The following ADCY5 variants were observed in gnomAD, a reference collection of about 807,000 sequenced individuals.
ADCY5 encodes adenylate cyclase type 5.
A neutral mutation model predicts 119.7 loss-of-function variants in ADCY5; 30 were observed. That is an observed-to-expected ratio of 0.25 (90% CI 0.19 to 0.34). The LOEUF (loss-of-function observed/expected upper bound fraction) is 0.34. Ranked by LOEUF, ADCY5 falls within the 10% of genes least tolerant of loss-of-function variation. The probability of loss-of-function intolerance (pLI) is 1.00; values close to 1 mark genes in which losing one functional copy is unlikely to be tolerated. For missense variants in ADCY5, 1,324 were observed against 1,775.2 expected (o/e 0.75, Z 4.57); for synonymous variants, 753 against 762.2 (o/e 0.99, Z 0.20).
At chr3:123,303,897 A>AGAAGAGAAGAGAAGAGAAGAG in intron 13 of ADCY5, among the ~76,000 whole-genome samples, 170 bp downstream of exon 13, 1 of 147,354 alleles carries the variant, frequency 6.8e-6, no homozygotes, top group East Asian at 2.0e-4. Flanking sequence ...AGAAGAGAAG[A>AGAAGAGAAGAGAAGAGAAGAG]AAGAACTTGT....
In ADCY5 at chr3:123,448,732, C is replaced by G. The variant is rs62262433; in HGVS notation, c.-187G>C. 0.54 allele frequency: 242,600 copies of G among 445,872 alleles called. 69,680 individuals are homozygous for G. Among genetic ancestry groups the G allele is most frequent in the Non-Finnish European group, 0.62 (166,793 of 270,504 alleles). The allele number at this position is 445,872 out of a possible 1,614,324, so 27.6% of individuals were successfully genotyped here. A position where few individuals can be genotyped will look rare whatever the true frequency, so the allele number is the denominator to read the frequency against. On this transcript the variant is annotated 5_prime_UTR_variant, in exon 1 of 21. Transcript: ENST00000462833. Reference sequence around the variant, plus strand: ...TGAGCGGAGGAGGAGGGCACAGCCCCGAGGTGAGAAGTAGCTGAGGATCCG... The same window carrying G: ...TGAGCGGAGGAGGAGGGCACAGCCCGGAGGTGAGAAGTAGCTGAGGATCCG...
chr3:123,355,778 G>A (rs746690921), intron 1 of ADCY5, among the ~76,000 whole-genome samples: 3 of 151,974 alleles, frequency 2.0e-5, no homozygotes, highest in African/African-American at 2.4e-5. Flanking sequence ...AAAACACCAC[G>A]TTCTGATGTC....
rs1199524320 is a variant in ADCY5 at position 123,447,714 on chromosome 3, C to T, written c.832G>A (p.Val278Ile). The change falls in exon 1 of 21, where the codon GTC becomes ATC. Residue 278 changes from valine to isoleucine, a missense_variant. Val to Ile is a conservative substitution (Grantham distance 29, BLOSUM62 3). This residue lies in a region of ADCY5 where 585 missense variants were observed against 569.9 expected (regional missense o/e 1.03). Transcript: ENST00000462833. Reference protein sequence around the residue: ...LPYLAVLAAAVGVILIMAVLC... With the variant: ...LPYLAVLAAAIGVILIMAVLC... Reference sequence around the variant, plus strand: ...ACAGCCATGATGAGGATCACGCCGACGGCGGCCGCCAGCACGGCCAGGTAG... The same window carrying T: ...ACAGCCATGATGAGGATCACGCCGATGGCGGCCGCCAGCACGGCCAGGTAG... 5 of 1,598,500 alleles carry T rather than the reference C, an allele frequency of 3.1e-6. No homozygotes were observed. Among genetic ancestry groups the T allele is most frequent in the South Asian group, 1.1e-5 (1 of 89,644 alleles).
chr3:123,326,925 G>A (rs1162564715), intron 7 of ADCY5, among the ~76,000 whole-genome samples: 1 of 152,172 alleles, frequency 6.6e-6, no homozygotes, highest in African/African-American at 2.4e-5. Context: ...TCACTTCTTA[G>A]GAAGAGAAAT....
chr3:123,332,754 T>C, intron 3 of ADCY5, 79 bp from the exon 4 acceptor site: 1 of 969,478 alleles, frequency 1.0e-6, no homozygotes, highest in South Asian at 1.4e-5. Flanking sequence ...TACATCTTTT[T>C]TTTCTTTTCT....
chr3:123,345,757 G>GACACACACACACACACAC (rs1231817435), intron 3 of ADCY5, among the ~76,000 whole-genome samples: 2 of 61,088 alleles, frequency 3.3e-5, no homozygotes, highest in East Asian at 2.8e-4. Flanking sequence ...CAGACAGACA[G>GACACACACACACACACAC]ACAGACAGAC....
intron 1 of ADCY5, among the ~76,000 whole-genome samples, chr3:123,354,580 G>A (rs1171428816): frequency 6.6e-6 from 1 of 152,188 alleles, no homozygotes; most frequent in Admixed American, 6.5e-5. Flanking sequence ...GGAAGTGAAG[G>A]CTGAGGGGTA....
At chr3:123,389,642 G>A (rs1944343362) in intron 1 of ADCY5, among the ~76,000 whole-genome samples, 1 of 152,032 alleles carries the variant, frequency 6.6e-6, no homozygotes, top group Non-Finnish European at 1.5e-5. Flanking sequence ...AGCGGCACAT[G>A]TGGAGAGGCA....
intron 1 of ADCY5, among the ~76,000 whole-genome samples, chr3:123,383,975 C>A (rs1488437190): frequency 1.6e-4 from 21 of 132,268 alleles, no homozygotes; most frequent in African/African-American, 5.1e-4. Flanking sequence ...CGCGCACACA[C>A]ACACACAAAC....
chr3:123,435,581 T>G (rs1251062661), intron 1 of ADCY5, among the ~76,000 whole-genome samples: 2 of 152,204 alleles, frequency 1.3e-5, no homozygotes, highest in Non-Finnish European at 2.9e-5. Flanking sequence ...TCAAGGGTCC[T>G]TGTTTCTCAT....
chr3:123,287,551 C>G (rs6801826), intron 19 of ADCY5, among the ~76,000 whole-genome samples: 121,770 of 152,136 alleles, frequency 0.8, 48,831 homozygotes, highest in East Asian at 0.88. Context: ...AGGCCTCACT[C>G]TTGCCTGTTT....
At chr3:123,375,167 G>A (rs1350178442) in intron 1 of ADCY5, among the ~76,000 whole-genome samples, 1 of 152,230 alleles carries the variant, frequency 6.6e-6, no homozygotes, top group African/African-American at 2.4e-5. Flanking sequence ...GAAAGGGCTG[G>A]GATCTGGTTA....
chr3:123,364,216 T>C (rs1026747181), intron 1 of ADCY5, among the ~76,000 whole-genome samples: 2 of 152,164 alleles, frequency 1.3e-5, no homozygotes, highest in African/African-American at 4.8e-5. Flanking sequence ...TAAAAAGAAA[T>C]ACTGATAAAC....
intron 1 of ADCY5, among the ~76,000 whole-genome samples, chr3:123,390,426 A>T (rs1944370870): frequency 6.6e-6 from 1 of 152,134 alleles, no homozygotes; most frequent in Non-Finnish European, 1.5e-5. Context: ...CCACCTCCTC[A>T]TGGGAGACCT....
At chr3:123,351,596 C>G (rs1309616904) in intron 2 of ADCY5, among the ~76,000 whole-genome samples, 1 of 152,176 alleles carries the variant, frequency 6.6e-6, no homozygotes, top group East Asian at 1.9e-4. Context: ...CATCACCCTG[C>G]AGACCCGCCC....
chr3:123,346,238 CG>C (rs1375181926), intron 3 of ADCY5, among the ~76,000 whole-genome samples: 4 of 152,196 alleles, frequency 2.6e-5, no homozygotes, highest in Non-Finnish European at 5.9e-5. Context: ...GGCTCAAGCC[CG>C]GAAGTCCGGC....
chr3:123,399,008 A>G (rs1944682132), intron 1 of ADCY5, among the ~76,000 whole-genome samples: 1 of 152,210 alleles, frequency 6.6e-6, no homozygotes, highest in Non-Finnish European at 1.5e-5. Flanking sequence ...CTATCCCCTT[A>G]GAATCTCCCA....
rs1488408382 is a variant in ADCY5, at chr3:123,448,363, C to T, written c.183G>A (p.Val61=). The part of the protein sequence containing the change: ...RGSTKKPGGA[V]TPQQQQRLAS... The stretch of plus-strand genomic sequence containing the variant: ...CCAGGCGCTGCTGCTGCTGCGGGGT[C>T]ACCGCCCCCCCGGGTTTCTTGGTGG... The change falls in exon 1 of 21, where the codon GTG becomes GTA. Residue 61 remains valine (V), a synonymous_variant. Coordinates refer to ENST00000462833, the MANE Select transcript of ADCY5 (RefSeq NM_183357.3). The T allele has an allele frequency of 6.7e-7, 1 of 1,501,250 alleles. No homozygotes were observed. The highest frequency in any genetic ancestry group is 8.8e-7 in the Non-Finnish European group (1 of 1,136,182). The allele number at this position is 1,501,250 out of a possible 1,614,324, so 93.0% of individuals were successfully genotyped here.
rs913554901 is a variant in ADCY5, at chr3:123,402,770, G to A, written c.1134+44642C>T. The stretch of plus-strand genomic sequence containing the variant: ...CGGGAGGCAGAGGCAGGAGAATGGC[G>A]TGAACCCGGGAGGCGGAGCTTGCAG... On this transcript the variant is annotated intron_variant, in intron 1 of 20. Coordinates refer to ENST00000462833, the MANE Select transcript of ADCY5 (RefSeq NM_183357.3). Among the ~76,000 whole-genome samples the A allele has an allele frequency of 8.6e-5, 13 of 151,132 alleles. No homozygotes were observed. The East Asian group carries it at 1.4e-3, about 16-fold the overall frequency.
Sources: gnomAD v4.1 joint callset for allele counts (sites outside exome capture counted in the v4.1 genomes callset) on GRCh38, gnomAD v4.1.1 for gene constraint, gnomAD v4.1.1 regional missense constraint, MANE v1.5 for transcripts, NCBI Gene and HGNC (gene_info 2026-07-23, HGNC 2026-07-21) for gene names.